CADM2: variants seen among roughly 807,000 people sequenced by gnomAD.
CADM2 encodes immunoglobulin superfamily member 4D.
CADM2 carries 12 observed loss-of-function variants against 49.8 expected under a neutral mutation model. The ratio of observed to expected loss-of-function variants is 0.24; its 90% CI spans 0.15 to 0.39. CADM2 has a LOEUF of 0.39. CADM2 is among the 10% of genes least tolerant of loss of function. The pLI, the probability that CADM2 is intolerant of heterozygous loss-of-function variation, is 1.00. For missense variants in CADM2, 378 were observed against 492.3 expected, an observed-to-expected ratio of 0.77 and a Z score of 2.20; for synonymous variants, 214 against 175.4, an observed-to-expected ratio of 1.22 and a Z score of -1.74.
intron 1 of CADM2, among the ~76,000 whole-genome samples, chr3:85,480,391 A>G (rs2039160695): frequency 6.6e-6 from 1 of 151,912 alleles, no homozygotes; most frequent in Non-Finnish European, 1.5e-5. Flanking sequence ...GTTTATGTTC[A>G]GACTCTGCCA....
chr3:85,637,430 G>A (rs1464854212), intron 1 of CADM2, among the ~76,000 whole-genome samples: 1 of 148,210 alleles, frequency 6.7e-6, no homozygotes, highest in East Asian at 2.0e-4. Flanking sequence ...GTGAAACCCC[G>A]TCTCTACTAA....
intron 1 of CADM2, among the ~76,000 whole-genome samples, chr3:85,467,192 A>T (rs1309819015): frequency 2.0e-5 from 3 of 152,168 alleles, no homozygotes; most frequent in Non-Finnish European, 4.4e-5. Context: ...GCAACAAATC[A>T]TGGAGAATGT....
chr3:85,931,376 G>A (rs965960487), intron 6 of CADM2, among the ~76,000 whole-genome samples: 4 of 152,074 alleles, frequency 2.6e-5, no homozygotes, highest in Non-Finnish European at 5.9e-5. Context: ...CCAGGAGGCC[G>A]AGGCTGCAGT....
chr3:85,555,974 A>C (rs2061947309), intron 1 of CADM2, among the ~76,000 whole-genome samples: 1 of 152,246 alleles, frequency 6.6e-6, no homozygotes, highest in African/African-American at 2.4e-5. Context: ...CATAACATAT[A>C]TATGATTTTA....
At chr3:85,860,404 A>C (rs550827098) in intron 3 of CADM2, among the ~76,000 whole-genome samples, 2 of 152,302 alleles carry the variant, frequency 1.3e-5, no homozygotes, top group Non-Finnish European at 2.9e-5. Flanking sequence ...GGAGGGAAAA[A>C]AAACAAGAAA....
At chr3:85,223,455 C>G (rs192917116) in intron 1 of CADM2, among the ~76,000 whole-genome samples, 1 of 152,176 alleles carries the variant, frequency 6.6e-6, no homozygotes, top group Admixed American at 6.6e-5. Flanking sequence ...TAATAACTAA[C>G]CTGTGTTTGC....
intron 1 of CADM2, among the ~76,000 whole-genome samples, chr3:85,131,051 C>G (rs114447058): frequency 6.6e-6 from 1 of 151,936 alleles, no homozygotes; most frequent in Admixed American, 6.6e-5. Context: ...GCGTGGCATG[C>G]GCCTGTAATT....
intron 1 of CADM2, among the ~76,000 whole-genome samples, chr3:85,206,528 T>G (rs369352031): frequency 6.6e-6 from 1 of 151,822 alleles, no homozygotes; most frequent in Non-Finnish European, 1.5e-5. Context: ...AGGATGGTCT[T>G]GATCACCTGA....
At chr3:85,185,219 A>C (rs2041029274) in intron 1 of CADM2, among the ~76,000 whole-genome samples, 1 of 152,034 alleles carries the variant, frequency 6.6e-6, no homozygotes, top group South Asian at 2.1e-4. Context: ...TCCCAGCAGC[A>C]CTATGACTAA....
intron 1 of CADM2, among the ~76,000 whole-genome samples, chr3:85,530,867 T>C (rs6549032): frequency 2.2e-5 from 3 of 136,836 alleles, no homozygotes; most frequent in African/African-American, 2.8e-5. Context: ...TATGTAAAAA[T>C]ACACACACAC....
At chr3:85,508,266 A>G (rs1308024355) in intron 1 of CADM2, among the ~76,000 whole-genome samples, 2 of 152,158 alleles carry the variant, frequency 1.3e-5, no homozygotes, top group African/African-American at 4.8e-5. Flanking sequence ...TGAATTACAT[A>G]TTATTAGACA....
At chr3:85,859,025 C>A (rs943342916) in intron 3 of CADM2, among the ~76,000 whole-genome samples, 1 of 152,060 alleles carries the variant, frequency 6.6e-6, no homozygotes, top group African/African-American at 2.4e-5. Flanking sequence ...CAGCCACAAA[C>A]CTTTTCATTT....
intron 1 of CADM2, among the ~76,000 whole-genome samples, chr3:85,553,638 T>C (rs60668606): frequency 0.043 from 6,491 of 152,194 alleles, 461 homozygotes; most frequent in African/African-American, 0.15. Context: ...CCAGGAAGAG[T>C]ATTTTTGAAA....
At chr3:85,408,572 A>T (rs2035511551) in intron 1 of CADM2, among the ~76,000 whole-genome samples, 4 of 152,160 alleles carry the variant, frequency 2.6e-5, no homozygotes, top group Admixed American at 2.6e-4. Flanking sequence ...AATGAGTTAG[A>T]TTTCCCACAA....
intron 1 of CADM2, among the ~76,000 whole-genome samples, chr3:85,083,510 A>G (rs2037253094): frequency 2.0e-5 from 3 of 152,118 alleles, no homozygotes; most frequent in Admixed American, 2.0e-4. Context: ...TTGAATATAA[A>G]GAGATCACAG....
chr3:85,353,688 G>A (rs975407325), intron 1 of CADM2, among the ~76,000 whole-genome samples: 1 of 151,704 alleles, frequency 6.6e-6, no homozygotes, highest in Non-Finnish European at 1.5e-5. Context: ...TGATTTGCAT[G>A]TCAATAATAA....
At chr3:85,064,847 C>A (rs906149919) in intron 1 of CADM2, among the ~76,000 whole-genome samples, 1 of 152,080 alleles carries the variant, frequency 6.6e-6, no homozygotes, top group Non-Finnish European at 1.5e-5. Flanking sequence ...TTTAATAAGA[C>A]TGTCTTTTAA....
intron 7 of CADM2, among the ~76,000 whole-genome samples, chr3:85,941,054 A>G (rs576839376): frequency 7.0e-4 from 106 of 152,218 alleles, no homozygotes; most frequent in African/African-American, 2.5e-3. Flanking sequence ...ATTAGGGTTC[A>G]CTCTTACACA....
At chr3:85,458,107 T>C (rs2038076336) in intron 1 of CADM2, among the ~76,000 whole-genome samples, 1 of 152,240 alleles carries the variant, frequency 6.6e-6, no homozygotes, top group Non-Finnish European at 1.5e-5. Context: ...AAGCAAACGC[T>C]TGTTCTTTTG....
Sources: allele counts gnomAD v4.1 joint callset (sites outside exome capture counted in the v4.1 genomes callset), GRCh38; gene constraint gnomAD v4.1.1; transcripts MANE v1.5; gene names NCBI Gene and HGNC (gene_info 2026-07-23, HGNC 2026-07-21).